CDH1: variants seen among roughly 807,000 people sequenced by gnomAD.
CDH1 encodes cadherin 1.
In CDH1, 35 loss-of-function variants were observed where a neutral mutation model predicts 84.5. The observed-to-expected ratio is 0.41, with a 90% confidence interval of 0.32 to 0.55. The LOEUF (loss-of-function observed/expected upper bound fraction) is 0.55, where lower values mean the gene tolerates loss of function less well. Among genes scored for constraint, CDH1 ranks in the 20% least tolerant of loss-of-function variants. The pLI is 0.19. For missense variants in CDH1, 994 were observed against 1,126.6 expected (o/e 0.88, Z 1.68); for synonymous variants, 417 against 439.0 (o/e 0.95, Z 0.63).
intron 2 of CDH1, among the ~76,000 whole-genome samples, chr16:68,794,685 CTT>C (rs34110311): frequency 8.7e-5 from 11 of 126,414 alleles, no homozygotes; most frequent in Admixed American, 8.4e-5. Flanking sequence ...GCCGGGCTAA[CTT>C]TTTTTTTTTT....
At chr16:68,764,531 A>G (rs1009853695) in intron 2 of CDH1, among the ~76,000 whole-genome samples, 2 of 152,208 alleles carry the variant, frequency 1.3e-5, no homozygotes, top group African/African-American at 4.8e-5. Flanking sequence ...AACTGAGATC[A>G]CGCCACTGCA....
In CDH1 at chr16:68,822,212, G is replaced by A. The variant is rs2152138603; in HGVS notation, c.1923G>A (p.Gln641=). The change falls in exon 12 of 16, where the codon CAG becomes CAA. Residue 641 remains glutamine (Q), a synonymous_variant. Coordinates refer to ENST00000261769, the MANE Select transcript of CDH1 (RefSeq NM_004360.5). Reference sequence around the variant, plus strand: ...GGGCGAGTGCCAACTGGACCATTCAGTACAACGACCCAAGTGGGTACCTGA... The same window carrying A: ...GGGCGAGTGCCAACTGGACCATTCAATACAACGACCCAAGTGGGTACCTGA... ...THGASANWTI[Q]YNDPTQESII... 1 of 1,613,888 alleles carries A rather than the reference G, an allele frequency of 6.2e-7. No homozygotes were observed. Among genetic ancestry groups the A allele is most frequent in the South Asian group, 1.1e-5 (1 of 91,072 alleles).
At chr16:68,737,587 G>C in intron 1 of CDH1, 124 bp downstream of exon 1, 2 of 903,752 alleles carry the variant, frequency 2.2e-6, no homozygotes, top group South Asian at 3.0e-5. Context: ...GGGTCCTGAG[G>C]AGCGGAGCGG....
chr16:68,784,533 G>A (rs1959987156), intron 2 of CDH1, among the ~76,000 whole-genome samples: 1 of 152,052 alleles, frequency 6.6e-6, no homozygotes, highest in Non-Finnish European at 1.5e-5. Context: ...CATCCTGCAT[G>A]GTGTTGGTTA....
intron 2 of CDH1, among the ~76,000 whole-genome samples, chr16:68,776,534 T>A (rs923333979): frequency 2.6e-5 from 4 of 152,274 alleles, no homozygotes; most frequent in African/African-American, 2.4e-5. Context: ...AAATTTTTTT[T>A]AAATAGTATG....
intron 2 of CDH1, among the ~76,000 whole-genome samples, chr16:68,742,964 C>A (rs1357238079): frequency 6.6e-6 from 1 of 152,174 alleles, no homozygotes. Context: ...CCTGGCCTTG[C>A]CTTTGTGTCT....
chr16:68,762,663 C>G (rs1206955574), intron 2 of CDH1, among the ~76,000 whole-genome samples: 1 of 152,138 alleles, frequency 6.6e-6, no homozygotes, highest in Non-Finnish European at 1.5e-5. Flanking sequence ...ATTCTCAGCA[C>G]TTTGGGAGGC....
rs371601956 is a variant in CDH1 at position 68,808,788 on chromosome 16, A to C, written c.627A>C (p.Arg209Ser). The C allele has an allele frequency of 6.2e-7, 1 of 1,614,194 alleles. No individual in the cohort carries two copies. Among genetic ancestry groups the C allele is most frequent in the Non-Finnish European group, 8.5e-7 (1 of 1,180,034 alleles). The change falls in exon 5 of 16, where the codon AGA (arginine) becomes AGC (serine). Residue 209 changes from arginine to serine, a missense_variant. Physicochemically the swap from Arg to Ser is moderately radical, Grantham distance 110 (BLOSUM62 -1). Coordinates refer to ENST00000261769, the MANE Select transcript of CDH1 (RefSeq NM_004360.5). The stretch of plus-strand genomic sequence containing the variant: ...CTGTTGGTGTCTTTATTATTGAAAG[A>C]GAAACAGGATGGCTGAAGGTGACAG... ...TPPVGVFIIE[R>S]ETGWLKVTEP...
At chr16:68,807,401 G>A (rs1003071827) in intron 3 of CDH1, among the ~76,000 whole-genome samples, 2 of 152,194 alleles carry the variant, frequency 1.3e-5, no homozygotes, top group East Asian at 1.9e-4. Context: ...TGGGTGCGGT[G>A]ACTCACACCT....
chr16:68,784,705 G>A (rs1242985522), intron 2 of CDH1, among the ~76,000 whole-genome samples: 1 of 151,768 alleles, frequency 6.6e-6, no homozygotes, highest in African/African-American at 2.4e-5. Context: ...TTATGCCTTT[G>A]GATCCTCATA....
At chr16:68,760,104 A>ATT (rs34055356) in intron 2 of CDH1, among the ~76,000 whole-genome samples, 18 of 113,674 alleles carry the variant, frequency 1.6e-4, no homozygotes, top group South Asian at 2.8e-4. Flanking sequence ...TTTTTTTTTA[A>ATT]TTTTTTTTTT....
At chr16:68,803,745 G>A (rs187075225) in intron 3 of CDH1, among the ~76,000 whole-genome samples, 1 of 152,108 alleles carries the variant, frequency 6.6e-6, no homozygotes, top group Non-Finnish European at 1.5e-5. Context: ...CACATCTCTT[G>A]AACTTTGTTT....
At chr16:68,775,347 C>T (rs1413344063) in intron 2 of CDH1, among the ~76,000 whole-genome samples, 4 of 152,174 alleles carry the variant, frequency 2.6e-5, no homozygotes, top group Non-Finnish European at 5.9e-5. Flanking sequence ...TGTCATCTAA[C>T]ATCCAACTCT....
At chr16:68,771,812 AAATACCT>A in intron 2 of CDH1, among the ~76,000 whole-genome samples, 1 of 152,004 alleles carries the variant, frequency 6.6e-6, no homozygotes, top group East Asian at 1.9e-4. Context: ...GGCTGGTCTC[AAATACCT>A]GGCCTCTTGC....
chr16:68,834,901 C>T lies in CDH1; in HGVS notation c.*1402C>T, dbSNP rs561161918. ...CTTGTCATTGAGCCTGGCAATTTAG[C>T]AAACTGATGCTGAGGATGATTGAGG... On this transcript the variant is annotated 3_prime_UTR_variant, in exon 16 of 16. Coordinates refer to ENST00000261769, the MANE Select transcript of CDH1 (RefSeq NM_004360.5). 12 of 232,538 alleles carry T rather than the reference C, an allele frequency of 5.2e-5. No homozygotes were observed. In the East Asian group the frequency reaches 7.2e-4, roughly 14 times the overall value. The allele number at this position is 232,538 out of a possible 1,614,324, so 14.4% of individuals were successfully genotyped here. A position where few individuals can be genotyped will look rare whatever the true frequency, so the allele number is the denominator to read the frequency against.
chr16:68,810,876 A>G (rs904974071), intron 6 of CDH1, among the ~76,000 whole-genome samples: 2 of 151,882 alleles, frequency 1.3e-5, no homozygotes, highest in Non-Finnish European at 2.9e-5. Context: ...AAAAAAAAAA[A>G]AATTTTTTTT....
rs786201463 is a variant in CDH1, at chr16:68,801,806, C to T, written c.300C>T (p.Val100=). The part of the protein sequence containing the change: ...RFHNPQIHFL[V]YAWDSTYRKF... ...ATAACCCACAGATCCATTTCTTGGTCTACGCCTGGGACTCCACCTACAGAA... is the reference window on the plus strand; with the variant it reads ...ATAACCCACAGATCCATTTCTTGGTTTACGCCTGGGACTCCACCTACAGAA... The change falls in exon 3 of 16, where the codon GTC becomes GTT. Residue 100 remains valine, a synonymous_variant. Transcript: ENST00000261769. 6.2e-7 allele frequency: 1 copy of T among 1,614,206 alleles called. No individual in the cohort carries two copies. Among genetic ancestry groups the T allele is most frequent in the Non-Finnish European group, 8.5e-7 (1 of 1,180,022 alleles).
chr16:68,789,565 C>T (rs1370234201), intron 2 of CDH1, among the ~76,000 whole-genome samples: 2 of 151,408 alleles, frequency 1.3e-5, no homozygotes, highest in South Asian at 2.1e-4. Context: ...ATCCACATAG[C>T]ATATATTACA....
intron 3 of CDH1, among the ~76,000 whole-genome samples, chr16:68,803,934 G>A (rs546783944): frequency 4.6e-5 from 7 of 151,802 alleles, no homozygotes; most frequent in Admixed American, 3.9e-4. Flanking sequence ...TTTTTGCTCC[G>A]CCATCCTCAG....
Sources: gnomAD v4.1 joint callset for allele counts (sites outside exome capture counted in the v4.1 genomes callset) on GRCh38, gnomAD v4.1.1 for gene constraint, MANE v1.5 for transcripts, NCBI Gene and HGNC (gene_info 2026-07-23, HGNC 2026-07-21) for gene names.